The following DENND2B variants were observed in gnomAD, a reference collection of about 807,000 sequenced individuals.
The protein encoded by DENND2B is DENN domain-containing protein 2B.
A neutral mutation model predicts 116.0 loss-of-function variants in DENND2B; 32 were observed. That is an observed-to-expected ratio of 0.28 (90% confidence interval 0.21 to 0.37). DENND2B has a LOEUF of 0.37. Ranked by LOEUF, DENND2B falls within the 10% of genes least tolerant of loss-of-function variation. The pLI, the probability that DENND2B is intolerant of heterozygous loss-of-function variation, is 1.00. For missense variants in DENND2B, 1,276 were observed against 1,477.7 expected (o/e 0.86, Z 2.24); for synonymous variants, 588 against 583.9 (o/e 1.01, Z -0.10).
At chr11:8,866,719 T>A (rs2063593830) in intron 2 of DENND2B, among the ~76,000 whole-genome samples, 1 of 152,170 alleles carries the variant, frequency 6.6e-6, no homozygotes, top group Admixed American at 6.5e-5. Context: ...AAACATCAAA[T>A]TCCAGGAACT....
chr11:8,757,479 A>C (rs2053820185), intron 1 of DENND2B, among the ~76,000 whole-genome samples: 1 of 152,188 alleles, frequency 6.6e-6, no homozygotes, highest in Non-Finnish European at 1.5e-5. Context: ...AGAAAGTAAA[A>C]AGTGGACTCC....
intron 2 of DENND2B, among the ~76,000 whole-genome samples, chr11:8,735,655 C>A (rs904331841): frequency 1.3e-5 from 2 of 152,216 alleles, no homozygotes; most frequent in African/African-American, 4.8e-5. Context: ...ACTACAGGCT[C>A]TGATGCTCTT....
At chr11:8,709,086 G>C (rs7117300) in intron 11 of DENND2B, among the ~76,000 whole-genome samples, 82,854 of 152,130 alleles carry the variant, frequency 0.54, 22,703 homozygotes, top group Middle Eastern at 0.61. Flanking sequence ...AAGTCCGAGT[G>C]GGGAGGGAGC....
intron 7 of DENND2B, among the ~76,000 whole-genome samples, 176 bp downstream of exon 7, chr11:8,714,434 C>T (rs2044345865): frequency 6.6e-6 from 1 of 152,258 alleles, no homozygotes; most frequent in Non-Finnish European, 1.5e-5. Flanking sequence ...TGCTCAGGGC[C>T]TCACAGCCCA....
At chr11:8,804,543 A>T (rs1452605573) in intron 1 of DENND2B, among the ~76,000 whole-genome samples, 4 of 35,618 alleles carry the variant, frequency 1.1e-4, no homozygotes, top group Admixed American at 4.9e-4. Context: ...AATAGCAGCT[A>T]CTTCTTTTTT....
intron 1 of DENND2B, chr11:8,776,576 G>A: frequency 3.8e-6 from 1 of 263,784 alleles, no homozygotes; most frequent in African/African-American, 2.2e-5. Context: ...CCACTTGTAG[G>A]GGTAAGGTGA....
chr11:8,796,070 T>C (rs887373483), intron 1 of DENND2B, among the ~76,000 whole-genome samples: 4 of 152,194 alleles, frequency 2.6e-5, no homozygotes, highest in Admixed American at 1.3e-4. Context: ...AAATCTGAAA[T>C]TCAGTCTCAC....
intron 4 of DENND2B, among the ~76,000 whole-genome samples, chr11:8,827,463 G>T (rs1420463068): frequency 6.6e-6 from 1 of 152,208 alleles, no homozygotes; most frequent in African/African-American, 2.4e-5. Context: ...CTCCAATGCA[G>T]ACAGCCTCTG....
intron 1 of DENND2B, among the ~76,000 whole-genome samples, chr11:8,769,006 G>C (rs1411846518): frequency 6.6e-6 from 1 of 152,148 alleles, no homozygotes; most frequent in Non-Finnish European, 1.5e-5. Context: ...TTGGCTCTAA[G>C]AAGCTCCAGA....
chr11:8,811,868 G>A (rs2061390930), upstream of DENND2B, among the ~76,000 whole-genome samples: 1 of 152,032 alleles, frequency 6.6e-6, no homozygotes, highest in Non-Finnish European at 1.5e-5. Context: ...GAAGTAGCTG[G>A]GACTACAGGC....
chr11:8,757,105 G>C, intron 1 of DENND2B: 1 of 456,146 alleles, frequency 2.2e-6, no homozygotes, highest in South Asian at 1.5e-5. Context: ...GGCCCCGAGG[G>C]GCAGTGGAAA....
chr11:8,832,883 T>C (rs949427592), intron 4 of DENND2B, among the ~76,000 whole-genome samples: 1 of 152,236 alleles, frequency 6.6e-6, no homozygotes, highest in African/African-American at 2.4e-5. Flanking sequence ...CCCAGACGGC[T>C]TCCAGTAAGC....
At chr11:8,746,214 C>T (rs960988693) in intron 2 of DENND2B, among the ~76,000 whole-genome samples, 1 of 151,672 alleles carries the variant, frequency 6.6e-6, no homozygotes, top group Admixed American at 6.6e-5. Flanking sequence ...TCTTAGCTTC[C>T]CCCGATCTAA....
intron 1 of DENND2B, among the ~76,000 whole-genome samples, chr11:8,791,447 CT>C (rs890110835): frequency 2.0e-5 from 3 of 151,066 alleles, no homozygotes; most frequent in African/African-American, 7.3e-5. Context: ...TCACTAAAGG[CT>C]TTTTTTTTGT....
intron 1 of DENND2B, among the ~76,000 whole-genome samples, chr11:8,767,382 C>G (rs2056032371): frequency 1.3e-5 from 2 of 151,848 alleles, no homozygotes; most frequent in Admixed American, 6.6e-5. Flanking sequence ...CTAGGGTCCC[C>G]CAAGGAGACC....
upstream of DENND2B, among the ~76,000 whole-genome samples, chr11:8,812,249 G>A (rs1462172101): frequency 6.6e-6 from 1 of 152,182 alleles, no homozygotes; most frequent in Non-Finnish European, 1.5e-5. Context: ...CCAAGGGAAG[G>A]TGGAGAATCC....
At chr11:8,710,412 C>A (rs1333995118) in intron 11 of DENND2B, among the ~76,000 whole-genome samples, 4 of 152,138 alleles carry the variant, frequency 2.6e-5, no homozygotes, top group African/African-American at 9.7e-5. Context: ...CCACTACAGG[C>A]TGGCCAGGTA....
chr11:8,787,524 G>A (rs2059022873), intron 1 of DENND2B, among the ~76,000 whole-genome samples: 4 of 152,166 alleles, frequency 2.6e-5, no homozygotes, highest in Admixed American at 2.0e-4. Flanking sequence ...AGCAGGAAGT[G>A]AACTCTAAAC....
At chr11:8,887,976 G>T (rs1054705283) in intron 1 of DENND2B, among the ~76,000 whole-genome samples, 2 of 152,176 alleles carry the variant, frequency 1.3e-5, no homozygotes, top group Admixed American at 6.5e-5. Context: ...TTTGTGTGGA[G>T]GCCAGTTATG....
Sources: allele counts gnomAD v4.1 joint callset (sites outside exome capture counted in the v4.1 genomes callset), GRCh38; gene constraint gnomAD v4.1.1; transcripts MANE v1.5; gene names NCBI Gene and HGNC (gene_info 2026-07-23, HGNC 2026-07-21).